The following AVEN variants were observed in gnomAD, a reference collection of about 807,000 sequenced individuals.
The protein encoded by AVEN is cell death regulator Aven.
A neutral mutation model predicts 38.1 loss-of-function variants in AVEN; 41 were observed. The ratio of observed to expected loss-of-function variants is 1.08; its 90% CI spans 0.84 to 1.40. The LOEUF (loss-of-function observed/expected upper bound fraction) is 1.40. AVEN is among the 40% of genes most tolerant of loss of function. The probability of loss-of-function intolerance (pLI) is 0.00; values close to 1 mark genes in which losing one functional copy is unlikely to be tolerated. For missense variants in AVEN, 605 were observed against 438.8 expected, an observed-to-expected ratio of 1.38 and a Z score of -3.38; for synonymous variants, 206 against 171.8, an observed-to-expected ratio of 1.20 and a Z score of -1.56.
At chr15:33,983,144 G>GTGTGTGTGTA (rs1203076232) in intron 2 of AVEN, among the ~76,000 whole-genome samples, 17 of 118,212 alleles carry the variant, frequency 1.4e-4, no homozygotes, top group African/African-American at 7.7e-4. Context: ...GTGTGTGTGT[G>GTGTGTGTGTA]TGTGTGTGTG....
At chr15:34,003,644 T>A (rs955357842) in intron 1 of AVEN, among the ~76,000 whole-genome samples, 1 of 152,188 alleles carries the variant, frequency 6.6e-6, no homozygotes, top group African/African-American at 2.4e-5. Context: ...TTTAGAGCAA[T>A]GAAAGTATGA....
chr15:33,934,438 G>A (rs1000179299), intron 2 of AVEN, among the ~76,000 whole-genome samples: 2 of 152,196 alleles, frequency 1.3e-5, no homozygotes, highest in East Asian at 3.9e-4. Flanking sequence ...TTGCAAGGGA[G>A]GAGGGGAAAT....
intron 2 of AVEN, among the ~76,000 whole-genome samples, chr15:33,923,167 A>G (rs1327664750): frequency 2.0e-5 from 3 of 152,164 alleles, no homozygotes; most frequent in Non-Finnish European, 2.9e-5. Context: ...CTTGGTAATT[A>G]CCATGCTTTT....
intron 2 of AVEN, among the ~76,000 whole-genome samples, chr15:33,973,386 TA>T (rs747193366): frequency 3.5e-4 from 53 of 152,338 alleles, no homozygotes; most frequent in Non-Finnish European, 6.5e-4. Context: ...CAACTCTTAA[TA>T]TTTCATCAAC....
At chr15:33,975,168 C>A (rs1368348583) in intron 2 of AVEN, among the ~76,000 whole-genome samples, 2 of 152,178 alleles carry the variant, frequency 1.3e-5, no homozygotes, top group Non-Finnish European at 2.9e-5. Flanking sequence ...TACACTCTCT[C>A]CTCCACACGC....
intron 2 of AVEN, among the ~76,000 whole-genome samples, chr15:34,068,453 C>T (rs1179232023): frequency 2.6e-5 from 4 of 152,008 alleles, no homozygotes; most frequent in South Asian, 2.1e-4. Flanking sequence ...GCAATCCACC[C>T]GATTTGGCCT....
rs373040988 is a variant in AVEN at position 33,921,009 on chromosome 15, CAAGT to C, written c.446-45018_446-45015del. Among the ~76,000 whole-genome samples the C allele has an allele frequency of 7.8e-3, 1,190 of 152,282 alleles. 9 individuals are homozygous for C. The highest frequency in any genetic ancestry group is 0.013 in the Non-Finnish European group (914 of 68,022). ...CAGGCTAGTTTGGAACACCGGAGCTCAAGTAAGCCACCCACCTCAGCCTCCCAAA... is the reference window on the plus strand; with the variant it reads ...CAGGCTAGTTTGGAACACCGGAGCTCAAGCCACCCACCTCAGCCTCCCAAA... On this transcript the variant is annotated intron_variant, in intron 2 of 5. Transcript: ENST00000306730.
At chr15:34,056,002 G>A (rs1414675061) in intron 5 of AVEN, among the ~76,000 whole-genome samples, 4 of 152,090 alleles carry the variant, frequency 2.6e-5, no homozygotes, top group Non-Finnish European at 5.9e-5. Flanking sequence ...ACATGTGTGA[G>A]CCACCACACC....
At chr15:34,057,314 T>TTTG in intron 5 of AVEN, among the ~76,000 whole-genome samples, 1 of 151,254 alleles carries the variant, frequency 6.6e-6, no homozygotes, top group East Asian at 1.9e-4. Context: ...TTTTTTTTTT[T>TTTG]TGTATTTTTA....
At chr15:34,027,169 T>C (rs1192156614) in intron 1 of AVEN, among the ~76,000 whole-genome samples, 1 of 152,096 alleles carries the variant, frequency 6.6e-6, no homozygotes, top group Non-Finnish European at 1.5e-5. Context: ...CAGCTAAATC[T>C]CAGTATGAAC....
chr15:34,021,290 CTT>C (rs911480926), intron 1 of AVEN, among the ~76,000 whole-genome samples: 1 of 145,640 alleles, frequency 6.9e-6, no homozygotes, highest in African/African-American at 2.5e-5. Context: ...TTTTCTGTAT[CTT>C]TTTTTTTTTT....
At chr15:33,900,636 A>T (rs958880576) in intron 2 of AVEN, among the ~76,000 whole-genome samples, 4 of 151,686 alleles carry the variant, frequency 2.6e-5, no homozygotes, top group African/African-American at 9.7e-5. Flanking sequence ...ACAAAAAAAA[A>T]ACTGATCGCA....
intron 1 of AVEN, among the ~76,000 whole-genome samples, chr15:34,035,877 C>T (rs1899094345): frequency 6.6e-6 from 1 of 152,306 alleles, no homozygotes; most frequent in South Asian, 2.1e-4. Context: ...TCACTGCAGC[C>T]TCCACCTCCG....
At chr15:34,006,467 C>A (rs2140642511) in intron 1 of AVEN, among the ~76,000 whole-genome samples, 1 of 152,276 alleles carries the variant, frequency 6.6e-6, no homozygotes, top group Admixed American at 6.5e-5. Flanking sequence ...AGTATAAAAC[C>A]TATAAAACCT....
intron 2 of AVEN, among the ~76,000 whole-genome samples, chr15:33,949,939 T>C (rs991509648): frequency 3.3e-5 from 5 of 152,114 alleles, no homozygotes; most frequent in African/African-American, 1.2e-4. Flanking sequence ...CTATTCACGA[T>C]AGCCAAGATA....
chr15:33,865,081 A>T, downstream of AVEN: 1 of 1,465,212 alleles, frequency 6.8e-7, no homozygotes, highest in Non-Finnish European at 9.5e-7. Context: ...ACTGGGTTTT[A>T]GCTTTTACTG....
chr15:33,860,926 G>C (rs1355373966), intron 11 of AVEN, among the ~76,000 whole-genome samples: 1 of 120,724 alleles, frequency 8.3e-6, no homozygotes, highest in African/African-American at 3.6e-5. Flanking sequence ...ATGACTAATA[G>C]CCAATGTATG....
chr15:34,002,622 A>C (rs145345844), intron 2 of AVEN, among the ~76,000 whole-genome samples: 16 of 152,308 alleles, frequency 1.1e-4, no homozygotes, highest in Admixed American at 9.2e-4. Context: ...ACTACTATGT[A>C]TATACCTGGC....
Position 34,064,345 on chromosome 15 carries a change from A to G in AVEN, n.1127-913T>C, listed in dbSNP as rs939270526. The G allele has an allele frequency of 1.1e-5, 17 of 1,586,656 alleles. 1 individual carries two copies. In the African/African-American group the frequency reaches 1.4e-4, roughly 13 times the overall value. The stretch of plus-strand genomic sequence containing the variant: ...GTCAACAACTCCTCTCGAAAGAACA[A>G]TGACCACAGTCAACATCCTCTGAGG... On this transcript the variant is annotated intron_variant and non_coding_transcript_variant, in intron 4 of 11. Coordinates refer to the AVEN transcript ENST00000675287.
Sources: gnomAD v4.1 joint callset for allele counts (sites outside exome capture counted in the v4.1 genomes callset) on GRCh38, gnomAD v4.1.1 for gene constraint, MANE v1.5 for transcripts, NCBI Gene and HGNC (gene_info 2026-07-23, HGNC 2026-07-21) for gene names.